The following MELTF variants were observed in gnomAD, a reference collection of about 807,000 sequenced individuals.
MELTF encodes the protein melanotransferrin.
In MELTF, 67 loss-of-function variants were observed where a neutral mutation model predicts 83.7. The observed-to-expected ratio is 0.80, with a 90% CI of 0.66 to 0.98. The LOEUF (loss-of-function observed/expected upper bound fraction) is 0.98. Among genes scored for constraint, MELTF ranks in the 50% least tolerant of loss-of-function variants. The pLI is 0.00. For synonymous variants in MELTF, 462 were observed against 447.6 expected (o/e 1.03, Z -0.41); for missense variants, 1,002 against 1,035.6 (o/e 0.97, Z 0.44).
intron 6 of MELTF, among the ~76,000 whole-genome samples, chr3:197,018,064 A>T: frequency 6.6e-6 from 1 of 152,140 alleles, no homozygotes; most frequent in East Asian, 1.9e-4. Context: ...AGGACGGGGG[A>T]TCTCCCATAA....
chr3:197,016,375 T>C lies in MELTF; in HGVS notation c.901-6A>G. On this transcript the variant is annotated splice_region_variant and splice_polypyrimidine_tract_variant and intron_variant, in intron 7 of 15. Coordinates refer to ENST00000296350, the MANE Select transcript of MELTF (RefSeq NM_005929.6). ...CCCTCGTGGCTGAACAGACGCTGTG[T>C]GTCAAGGGGTGTGGTACAGGGTGGT... 1 of 1,574,322 alleles carries C rather than the reference T, an allele frequency of 6.4e-7. No individual in the cohort carries two copies. Among genetic ancestry groups the C allele is most frequent in the South Asian group, 1.2e-5 (1 of 83,840 alleles).
intron 14 of MELTF, among the ~76,000 whole-genome samples, chr3:197,005,546 G>A (rs1193438016): frequency 6.6e-6 from 1 of 152,206 alleles, no homozygotes; most frequent in Non-Finnish European, 1.5e-5. Context: ...AGGGCTAACA[G>A]GTCAGGGAGA....
At chr3:197,023,440 C>T (rs1222218708) in intron 4 of MELTF, among the ~76,000 whole-genome samples, 2 of 152,262 alleles carry the variant, frequency 1.3e-5, no homozygotes, top group Non-Finnish European at 2.9e-5. Flanking sequence ...GCTCAGCCAA[C>T]TGTGACTGAT....
intron 6 of MELTF, among the ~76,000 whole-genome samples, chr3:197,020,212 G>A (rs1293985973): frequency 1.3e-5 from 2 of 152,196 alleles, no homozygotes; most frequent in Non-Finnish European, 2.9e-5. Context: ...ACTGTTCCAA[G>A]ATAAAGGAAA....
chr3:197,017,694 G>A (rs375130787), intron 6 of MELTF, among the ~76,000 whole-genome samples: 241 of 152,218 alleles, frequency 1.6e-3, no homozygotes, highest in African/African-American at 2.9e-3. Flanking sequence ...TGGCTAACAC[G>A]GTGAAACCCC....
At chr3:197,021,562 G>A in intron 5 of MELTF, 91 bp from the exon 6 acceptor site, 3 of 1,172,062 alleles carry the variant, frequency 2.6e-6, no homozygotes, top group Non-Finnish European at 3.7e-6. Context: ...CTGTAGGGGT[G>A]GCCATGATGG....
chr3:197,004,494 A>G, intron 14 of MELTF: 1 of 255,048 alleles, frequency 3.9e-6, no homozygotes, highest in South Asian at 4.5e-5. Context: ...TGTCTTACAG[A>G]TATCTCCCCA....
intron 6 of MELTF, 58 bp downstream of exon 6, chr3:197,021,346 C>T (rs1022077358): frequency 1.8e-5 from 29 of 1,577,398 alleles, no homozygotes; most frequent in Non-Finnish European, 2.5e-5. Context: ...GGTCCCTGCC[C>T]CAAGCCGGCC....
chr3:197,003,355 G>A lies in MELTF; in HGVS notation c.*17C>T. 2.8e-6 allele frequency: 3 copies of A among 1,071,412 alleles called. No individual in the cohort carries two copies. Among genetic ancestry groups the A allele is most frequent in the Non-Finnish European group, 3.4e-6 (3 of 886,730 alleles). The allele number at this position is 1,071,412 out of a possible 1,614,324, so 66.4% of individuals were successfully genotyped here. On this transcript the variant is annotated 3_prime_UTR_variant, in exon 16 of 16. Coordinates refer to ENST00000296350, the MANE Select transcript of MELTF (RefSeq NM_005929.6). The surrounding 1 kb of genome is among the most constrained non-coding windows in gnomAD (Gnocchi z 6.2). The stretch of plus-strand genomic sequence containing the variant: ...TCCCCGGGCGGGCATCGGAGCTCTG[G>A]GGCGGGGCGGCCGGGCTCAGAGGGC...
rs1242216749 is a variant in MELTF, at chr3:197,024,574, G to GGT, written c.305-91_305-90dup. ...CCCTGCCTGGGCGGGCTGTGGGAGA[G>GGT]GTGTGTGCACGGAGCACGGCTGTAC... is the stretch of plus-strand genomic sequence containing the variant. On this transcript the variant is annotated intron_variant, in intron 3 of 15. Coordinates refer to ENST00000296350, the MANE Select transcript of MELTF (RefSeq NM_005929.6). The surrounding 1 kb of genome is among the most constrained non-coding windows in gnomAD (Gnocchi z 5.3). 3 of 1,237,460 alleles carry GGT rather than the reference G, an allele frequency of 2.4e-6. No individual in the cohort carries two copies. The highest frequency in any genetic ancestry group is 3.0e-5 in the African/African-American group (2 of 66,220). 76.7% of individuals were successfully genotyped at this position (1,237,460 alleles called of 1,614,324 possible).
chr3:197,015,537 G>C (rs757348683), intron 8 of MELTF, 21 bp from the exon 9 acceptor site: 2 of 1,602,606 alleles, frequency 1.2e-6, no homozygotes, highest in African/African-American at 2.7e-5. Context: ...GCAAGCAAGC[G>C]GTCACTGCCA....
At position 197,029,579 on chromosome 3, in the gene MELTF, C is replaced by G; in HGVS notation, c.49+75G>C. ...GCCGCAGGCTCAGGCACATTTCCAGCCCCGGGACCTGCTCAGCCGGGCCGC... is the reference window on the plus strand; with the variant it reads ...GCCGCAGGCTCAGGCACATTTCCAGGCCCGGGACCTGCTCAGCCGGGCCGC... On this transcript the variant is annotated intron_variant, in intron 1 of 15. Transcript: ENST00000296350. This position sits in a 1 kb window ranked among gnomAD's most constrained non-coding sequence, Gnocchi z 6.5. 1 of 1,172,056 alleles carries G rather than the reference C, an allele frequency of 8.5e-7. No homozygotes were observed. The highest frequency in any genetic ancestry group is 1.1e-6 in the Non-Finnish European group (1 of 931,980). 72.6% of individuals were successfully genotyped at this position (1,172,056 alleles called of 1,614,324 possible).
chr3:197,025,519 G>T, intron 3 of MELTF: 1 of 152,416 alleles, frequency 6.6e-6, no homozygotes, highest in East Asian at 1.9e-4. Context: ...TTTCCTCACA[G>T]CACCCCAACA....
intron 3 of MELTF, 117 bp downstream of exon 3, chr3:197,026,543 C>G: frequency 1.1e-6 from 1 of 876,714 alleles, no homozygotes; most frequent in Non-Finnish European, 1.9e-6. Context: ...GGCTGGGACT[C>G]CAGGACTGCT....
intron 7 of MELTF, 134 bp from the exon 8 acceptor site, chr3:197,016,503 C>A: frequency 1.4e-6 from 1 of 739,930 alleles, no homozygotes; most frequent in Non-Finnish European, 2.1e-6. Flanking sequence ...GTGAGGCCTC[C>A]CTCTTCTGCG....
chr3:197,013,606 A>G (rs750082753), intron 9 of MELTF, among the ~76,000 whole-genome samples: 9 of 152,248 alleles, frequency 5.9e-5, no homozygotes, highest in Non-Finnish European at 1.3e-4. Context: ...ATGAGAGAAA[A>G]TATTTGCAAA....
At chr3:197,028,441 G>A (rs1343100968) in intron 1 of MELTF, 4 of 155,506 alleles carry the variant, frequency 2.6e-5, no homozygotes, top group African/African-American at 4.8e-5. Flanking sequence ...AGCCACCCTC[G>A]GTGGGCACAG....
chr3:197,024,441 A>G lies in MELTF; in HGVS notation c.349T>C (p.Ser117Pro). ...YYAVAVVRRS[S>P]HVTIDTLKGV... ...TTCAGGGTGTCAATGGTCACATGGG[A>G]GCTCCTCCTGACCACAGCCACGGCG... Residue 117 changes from serine to proline, a missense_variant, in exon 4 of 16, where the codon TCC (serine) becomes CCC (proline). Transcript: ENST00000296350. The surrounding 1 kb of genome is among the most constrained non-coding windows in gnomAD (Gnocchi z 5.3). The G allele has an allele frequency of 6.2e-7, 1 of 1,607,354 alleles. No individual in the cohort carries two copies. Among genetic ancestry groups the G allele is most frequent in the East Asian group, 2.2e-5 (1 of 44,652 alleles).
intron 6 of MELTF, among the ~76,000 whole-genome samples, chr3:197,017,654 G>C (rs1477919416): frequency 6.6e-6 from 1 of 152,112 alleles, no homozygotes; most frequent in East Asian, 1.9e-4. Context: ...GAGGTGGGCG[G>C]ATCACGAGGT....
Sources: gnomAD v4.1 joint callset for allele counts (sites outside exome capture counted in the v4.1 genomes callset) on GRCh38, gnomAD v4.1.1 for gene constraint, Gnocchi (gnomAD v3.1) non-coding constraint, MANE v1.5 for transcripts, NCBI Gene and HGNC (gene_info 2026-07-23, HGNC 2026-07-21) for gene names.